Variants in ANO4 observed in about 807,000 individuals in gnomAD.
The protein encoded by ANO4 is anoctamin-4.
A neutral mutation model predicts 141.9 loss-of-function variants in ANO4; 69 were observed. That is an observed-to-expected ratio of 0.49 (90% CI 0.40 to 0.59). The LOEUF is 0.59. ANO4 is among the 20% of genes least tolerant of loss of function. The probability of loss-of-function intolerance (pLI) is 0.00; values close to 1 mark genes in which losing one functional copy is unlikely to be tolerated. For missense variants in ANO4, 894 were observed against 1,162.2 expected (o/e 0.77, Z 3.36); for synonymous variants, 350 against 394.3 (o/e 0.89, Z 1.33).
chr12:101,053,578 C>CA (rs2047965479), intron 14 of ANO4, among the ~76,000 whole-genome samples: 1 of 152,116 alleles, frequency 6.6e-6, no homozygotes, highest in Admixed American at 6.5e-5. Context: ...GTAGATGCAT[C>CA]ACTCCTATCT....
intron 1 of ANO4, among the ~76,000 whole-genome samples, chr12:100,868,761 C>G (rs1387196343): frequency 6.6e-6 from 1 of 152,186 alleles, no homozygotes; most frequent in Non-Finnish European, 1.5e-5. Flanking sequence ...ACTCCCATTT[C>G]TGAGACTTCA....
At chr12:100,883,719 T>G (rs575620604) in intron 1 of ANO4, among the ~76,000 whole-genome samples, 3 of 152,214 alleles carry the variant, frequency 2.0e-5, no homozygotes. Flanking sequence ...TGACTCAATA[T>G]ATTGAAATTT....
chr12:101,080,371 G>A (rs2049197383), intron 15 of ANO4, among the ~76,000 whole-genome samples: 1 of 152,000 alleles, frequency 6.6e-6, no homozygotes, highest in South Asian at 2.1e-4. Context: ...GGTTTGGTTT[G>A]GTTTTGAATG....
intron 18 of ANO4, among the ~76,000 whole-genome samples, chr12:101,095,618 G>T (rs2049951052): frequency 6.6e-6 from 1 of 152,152 alleles, no homozygotes; most frequent in African/African-American, 2.4e-5. Context: ...TCTCAGACAT[G>T]CTCCCTAAAA....
intron 8 of ANO4, among the ~76,000 whole-genome samples, chr12:101,010,137 G>T (rs1205841609): frequency 1.3e-5 from 2 of 152,020 alleles, no homozygotes; most frequent in Non-Finnish European, 2.9e-5. Flanking sequence ...TGATGCTGTT[G>T]TTTTGTGCTA....
intron 3 of ANO4, among the ~76,000 whole-genome samples, chr12:100,767,737 A>G (rs1034918625): frequency 2.0e-5 from 3 of 152,246 alleles, no homozygotes; most frequent in African/African-American, 7.2e-5. Context: ...GGACCATATT[A>G]GACCATGGAT....
At chr12:100,888,879 T>TTAG (rs1047644490) in intron 1 of ANO4, among the ~76,000 whole-genome samples, 6 of 147,594 alleles carry the variant, frequency 4.1e-5, no homozygotes, top group Non-Finnish European at 7.4e-5. Context: ...TCTCTTATTT[T>TTAG]TATTATTATT....
intron 10 of ANO4, among the ~76,000 whole-genome samples, chr12:101,037,988 T>C (rs2047265279): frequency 6.6e-6 from 1 of 150,952 alleles, no homozygotes. Flanking sequence ...CAACTCTCCG[T>C]AAATGGCAAG....
chr12:100,857,494 A>G (rs1354305064), intron 1 of ANO4, among the ~76,000 whole-genome samples: 1 of 152,090 alleles, frequency 6.6e-6, no homozygotes, highest in Non-Finnish European at 1.5e-5. Flanking sequence ...AGAGCATGTA[A>G]TTACTTGCAC....
chr12:100,804,934 C>G (rs1232916775), intron 1 of ANO4, among the ~76,000 whole-genome samples: 2 of 152,032 alleles, frequency 1.3e-5, no homozygotes, highest in Admixed American at 6.6e-5. Flanking sequence ...TTATTTTGCT[C>G]CTCAGAAGTT....
chr12:101,103,219 A>C (rs1467523715), intron 22 of ANO4, among the ~76,000 whole-genome samples: 3 of 93,254 alleles, frequency 3.2e-5, no homozygotes, highest in Non-Finnish European at 6.9e-5. Context: ...ATATATATAT[A>C]TATATATATA....
intron 3 of ANO4, among the ~76,000 whole-genome samples, chr12:100,788,736 G>A (rs1467552336): frequency 6.6e-6 from 1 of 152,252 alleles, no homozygotes; most frequent in Non-Finnish European, 1.5e-5. Context: ...CACTTTTTAG[G>A]CCCTGAGGGC....
chr12:100,977,515 A>G (rs1037372638), intron 7 of ANO4, among the ~76,000 whole-genome samples: 2 of 152,162 alleles, frequency 1.3e-5, no homozygotes, highest in African/African-American at 4.8e-5. Flanking sequence ...GTGAGGCCCC[A>G]TCTCTAAAAA....
At chr12:100,935,158 T>C (rs1186509353) in intron 3 of ANO4, among the ~76,000 whole-genome samples, 1 of 152,180 alleles carries the variant, frequency 6.6e-6, no homozygotes, top group African/African-American at 2.4e-5. Context: ...GAGGGCATCC[T>C]TGTCTTGTGC....
chr12:101,073,338 C>T (rs1054164117), intron 14 of ANO4, among the ~76,000 whole-genome samples: 4 of 151,984 alleles, frequency 2.6e-5, no homozygotes, highest in Non-Finnish European at 4.4e-5. Flanking sequence ...AACCAAACAC[C>T]GCATGTTCTC....
chr12:100,919,130 T>C (rs2041486109), intron 2 of ANO4, among the ~76,000 whole-genome samples: 1 of 151,812 alleles, frequency 6.6e-6, no homozygotes, highest in Non-Finnish European at 1.5e-5. Context: ...CTTAGTGTTA[T>C]CACAAAACAG....
At chr12:101,105,208 A>G (rs567029030) in intron 22 of ANO4, among the ~76,000 whole-genome samples, 36 of 152,272 alleles carry the variant, frequency 2.4e-4, no homozygotes, top group Middle Eastern at 3.4e-3. Flanking sequence ...CAAACACTCT[A>G]TGCCAGCACT....
chr12:101,088,893 A>T (rs976832112), intron 17 of ANO4, among the ~76,000 whole-genome samples: 13 of 100,188 alleles, frequency 1.3e-4, no homozygotes, highest in South Asian at 9.6e-4. Flanking sequence ...GTAAAAAATT[A>T]AAAAAATTTT....
At chr12:100,964,777 T>C (rs2043578332) in intron 5 of ANO4, among the ~76,000 whole-genome samples, 1 of 152,218 alleles carries the variant, frequency 6.6e-6, no homozygotes, top group Non-Finnish European at 1.5e-5. Flanking sequence ...TTCAGGTCTC[T>C]GTTCAAATGT....
Sources: gnomAD v4.1 joint callset for allele counts (sites outside exome capture counted in the v4.1 genomes callset) on GRCh38, gnomAD v4.1.1 for gene constraint, MANE v1.5 for transcripts, NCBI Gene and HGNC (gene_info 2026-07-23, HGNC 2026-07-21) for gene names.